PHACTR3: variants seen among roughly 807,000 people sequenced by gnomAD.
The protein encoded by PHACTR3 is protein phosphatase 1, regulatory subunit 123.
A neutral mutation model predicts 66.8 loss-of-function variants in PHACTR3; 16 were observed. The observed-to-expected ratio is 0.24, with a 90% CI of 0.16 to 0.36. The LOEUF (loss-of-function observed/expected upper bound fraction) is 0.36. PHACTR3 is among the 10% of genes least tolerant of loss of function. The pLI is 1.00. For synonymous variants in PHACTR3, 323 were observed against 292.1 expected (o/e 1.11, Z -1.08); for missense variants, 647 against 719.9 (o/e 0.90, Z 1.16).
intron 7 of PHACTR3, among the ~76,000 whole-genome samples, chr20:59,785,849 T>TCTGCATCCCCTGCCCTGCATCCCCTGCC (rs146366670): frequency 3.5e-4 from 14 of 40,576 alleles, no homozygotes; most frequent in African/African-American, 7.1e-4. Flanking sequence ...CCAGCAGCCC[T>TCTGCATCCCCTGCCCTGCATCCCCTGCC]CTGCATCCCC....
chr20:59,755,456 T>G, intron 4 of PHACTR3, 92 bp downstream of exon 4: 3 of 1,343,778 alleles, frequency 2.2e-6, no homozygotes, highest in South Asian at 1.4e-5. Flanking sequence ...GCAACAGCCC[T>G]CGTAGAACAT....
At chr20:59,706,966 T>C (rs2037727268) in intron 1 of PHACTR3, among the ~76,000 whole-genome samples, 1 of 152,248 alleles carries the variant, frequency 6.6e-6, no homozygotes, top group Non-Finnish European at 1.5e-5. Context: ...AAATGTCTTA[T>C]TGTTTTCTAA....
At chr20:59,625,070 A>G (rs2034395554) in intron 1 of PHACTR3, among the ~76,000 whole-genome samples, 1 of 152,066 alleles carries the variant, frequency 6.6e-6, no homozygotes, top group Admixed American at 6.6e-5. Context: ...AGCAGTTTTG[A>G]GGAGCACCTG....
chr20:59,782,153 AT>A (rs1382324590), intron 7 of PHACTR3, among the ~76,000 whole-genome samples: 1 of 152,196 alleles, frequency 6.6e-6, no homozygotes, highest in African/African-American at 2.4e-5. Context: ...TGAAAGGTGT[AT>A]TAGTCCGTTT....
chr20:59,744,589 C>T (rs2039298757), intron 2 of PHACTR3, among the ~76,000 whole-genome samples: 1 of 152,238 alleles, frequency 6.6e-6, no homozygotes. Flanking sequence ...CCAGGTGTTA[C>T]AGCGCCCAGG....
At chr20:59,662,541 G>A (rs2035846113) in intron 1 of PHACTR3, among the ~76,000 whole-genome samples, 1 of 152,198 alleles carries the variant, frequency 6.6e-6, no homozygotes, top group Non-Finnish European at 1.5e-5. Context: ...AATGGAGACA[G>A]CACGTCTCAG....
chr20:59,838,810 A>G (rs2059009651), intron 9 of PHACTR3, among the ~76,000 whole-genome samples: 1 of 152,128 alleles, frequency 6.6e-6, no homozygotes, highest in African/African-American at 2.4e-5. Context: ...CTTGCTTTGT[A>G]TAATGCAGAG....
At chr20:59,840,044 T>C (rs1397338589) in intron 9 of PHACTR3, among the ~76,000 whole-genome samples, 1 of 152,158 alleles carries the variant, frequency 6.6e-6, no homozygotes, top group East Asian at 1.9e-4. Context: ...ATAAAGATAT[T>C]TGGGGAGAAA....
At position 59,816,852 on chromosome 20, in the gene PHACTR3, T is replaced by C. The variant is rs184032812; in HGVS notation, c.1328+10658T>C. On this transcript the variant is annotated intron_variant, in intron 8 of 12. Transcript: ENST00000371015. Reference sequence around the variant, plus strand: ...GTAATTGCATTATAAGATGCATGAGTATAGGTAGATGGAGAGACAGCTGGA... The same window carrying C: ...GTAATTGCATTATAAGATGCATGAGCATAGGTAGATGGAGAGACAGCTGGA... Among the ~76,000 whole-genome samples, 289 of 152,076 alleles carry C rather than the reference T, an allele frequency of 1.9e-3. 1 individual carries two copies. Among genetic ancestry groups the C allele is most frequent in the African/African-American group, 6.8e-3 (281 of 41,482 alleles).
chr20:59,584,097 C>T (rs982115746), intron 1 of PHACTR3, among the ~76,000 whole-genome samples: 1 of 152,218 alleles, frequency 6.6e-6, no homozygotes, highest in African/African-American at 2.4e-5. Flanking sequence ...AAGAAGGTGT[C>T]GTACTGGTGC....
At chr20:59,723,516 G>A (rs2038427555) in intron 1 of PHACTR3, among the ~76,000 whole-genome samples, 1 of 152,110 alleles carries the variant, frequency 6.6e-6, no homozygotes, top group South Asian at 2.1e-4. Context: ...ATGGGCATTT[G>A]GGTTTCTTTC....
chr20:59,754,514 T>TA (rs1177802692), intron 3 of PHACTR3, among the ~76,000 whole-genome samples: 2 of 152,212 alleles, frequency 1.3e-5, no homozygotes, highest in Non-Finnish European at 2.9e-5. Context: ...TGCCAGGGTT[T>TA]ATTACAGTGC....
intron 8 of PHACTR3, among the ~76,000 whole-genome samples, chr20:59,817,133 G>A (rs1600708552): frequency 2.6e-5 from 4 of 152,314 alleles, no homozygotes; most frequent in African/African-American, 9.6e-5. Context: ...TCTTTGCATA[G>A]TGGGCTCTTT....
intron 1 of PHACTR3, among the ~76,000 whole-genome samples, chr20:59,689,824 C>A (rs2037042646): frequency 6.6e-6 from 1 of 152,282 alleles, no homozygotes; most frequent in African/African-American, 2.4e-5. Flanking sequence ...TGTATCCTGG[C>A]ATCTCCAGCC....
intron 1 of PHACTR3, among the ~76,000 whole-genome samples, chr20:59,669,054 C>T (rs561361784): frequency 6.6e-6 from 1 of 152,178 alleles, no homozygotes; most frequent in African/African-American, 2.4e-5. Context: ...GGCCCAAAGC[C>T]TAAGTTTTAG....
intron 1 of PHACTR3, among the ~76,000 whole-genome samples, chr20:59,726,234 C>T (rs1471682456): frequency 2.0e-5 from 3 of 152,130 alleles, no homozygotes; most frequent in African/African-American, 7.2e-5. Flanking sequence ...CACAGTCATG[C>T]TGCATGTTTG....
chr20:59,717,494 G>C lies in PHACTR3; in HGVS notation c.119-25613G>C, dbSNP rs116001826. On this transcript the variant is annotated intron_variant, in intron 1 of 12. Transcript: ENST00000371015. ...TGAGTGCTTTATCTCATTTAACTGT[G>C]ACAACAGCCCTGTAAGGGGGATAGC... Among the ~76,000 whole-genome samples, 1,113 of 152,232 alleles carry C rather than the reference G, an allele frequency of 7.3e-3. 15 individuals carry two copies. Among genetic ancestry groups the C allele is most frequent in the African/African-American group, 0.025 (1,050 of 41,528 alleles).
chr20:59,678,136 C>T (rs1442365426), intron 1 of PHACTR3, among the ~76,000 whole-genome samples: 11 of 152,272 alleles, frequency 7.2e-5, no homozygotes, highest in Non-Finnish European at 1.5e-4. Context: ...TCTGTCTACA[C>T]GGAATAGATA....
At chr20:59,775,412 G>A (rs1296416424) in intron 7 of PHACTR3, among the ~76,000 whole-genome samples, 7 of 152,262 alleles carry the variant, frequency 4.6e-5, no homozygotes, top group South Asian at 4.1e-4. Context: ...GCAGGAAAGG[G>A]CATCAGATGT....
Sources: gnomAD v4.1 joint callset for allele counts (sites outside exome capture counted in the v4.1 genomes callset) on GRCh38, gnomAD v4.1.1 for gene constraint, MANE v1.5 for transcripts, NCBI Gene and HGNC (gene_info 2026-07-23, HGNC 2026-07-21) for gene names.